Variants in FAM193A observed in about 807,000 individuals in gnomAD.
FAM193A encodes family with sequence similarity 193 member A.
Under a neutral mutation model 126.5 loss-of-function variants are expected in FAM193A, and 22 were observed. The observed-to-expected ratio is 0.17, with a 90% CI of 0.12 to 0.25. FAM193A has a LOEUF of 0.25. Ranked by LOEUF, FAM193A falls within the 10% of genes least tolerant of loss-of-function variation. The pLI is 1.00. For missense variants in FAM193A, 1,675 were observed against 1,672.8 expected (o/e 1.00, Z -0.02); for synonymous variants, 761 against 646.8 (o/e 1.18, Z -2.68).
chr4:2,701,077 C>T (rs9683585), intron 19 of FAM193A, among the ~76,000 whole-genome samples: 1 of 151,708 alleles, frequency 6.6e-6, no homozygotes. Context: ...CCCTCTCTCT[C>T]TTATTTTTCT....
At chr4:2,597,702 T>C (rs1740946054) in intron 2 of FAM193A, among the ~76,000 whole-genome samples, 1 of 152,212 alleles carries the variant, frequency 6.6e-6, no homozygotes, top group African/African-American at 2.4e-5. Context: ...GACCAGCTGT[T>C]GCTTTGTAGG....
chr4:2,604,363 CCTT>C (rs749554137), intron 2 of FAM193A, among the ~76,000 whole-genome samples: 12 of 152,092 alleles, frequency 7.9e-5, no homozygotes, highest in Non-Finnish European at 1.5e-4. Flanking sequence ...GTTCTTAAAT[CCTT>C]CTGTGTTTCC....
chr4:2,716,462 G>A (rs535465905), intron 20 of FAM193A, among the ~76,000 whole-genome samples: 1 of 152,172 alleles, frequency 6.6e-6, no homozygotes, highest in South Asian at 2.1e-4. Flanking sequence ...ACTTAGACCT[G>A]TCGGATCAGA....
intron 7 of FAM193A, chr4:2,655,007 G>C: frequency 1.6e-6 from 1 of 637,876 alleles, no homozygotes; most frequent in Non-Finnish European, 2.9e-6. Context: ...AATAATGATA[G>C]GTTTATCTCA....
chr4:2,657,132 C>T (rs977959661), intron 7 of FAM193A, among the ~76,000 whole-genome samples: 2 of 152,194 alleles, frequency 1.3e-5, no homozygotes, highest in African/African-American at 4.8e-5. Context: ...TGTGCCACTG[C>T]ACTCCAGCTT....
rs1553912476 is a variant in FAM193A at position 2,699,446 on chromosome 4, C to CA, written c.3508-234_3508-233insA. Among the ~76,000 whole-genome samples, 745 of 103,508 alleles carry CA rather than the reference C, an allele frequency of 7.2e-3. 61 individuals carry two copies. Among genetic ancestry groups the CA allele is most frequent in the South Asian group, 0.021 (53 of 2,532 alleles). 67.9% of individuals were successfully genotyped at this position (103,508 alleles called of 152,430 possible). A position where few individuals can be genotyped will look rare whatever the true frequency, so the allele number is the denominator to read the frequency against. On this transcript the variant is annotated intron_variant, in intron 18 of 20. Coordinates refer to ENST00000637812, the MANE Select transcript of FAM193A (RefSeq NM_001366318.2). Reference sequence around the variant, plus strand: ...TTTTTGTTAACTACCACCCCCCCCCCCACACACACACACACAAATAAGTAA... The same window carrying CA: ...TTTTTGTTAACTACCACCCCCCCCCCACACACACACACACACAAATAAGTAA...
chr4:2,537,238 G>C, intron 1 of FAM193A, 68 bp downstream of exon 1: 2 of 182,330 alleles, frequency 1.1e-5, no homozygotes, highest in Non-Finnish European at 2.3e-5. Flanking sequence ...CCTTGGCGGA[G>C]CTCGGCCTCC....
intron 14 of FAM193A, among the ~76,000 whole-genome samples, chr4:2,689,925 G>T (rs1484995804): frequency 6.6e-6 from 1 of 152,174 alleles, no homozygotes; most frequent in Non-Finnish European, 1.5e-5. Context: ...CAAGACTCTG[G>T]CTCCATGGCT....
At chr4:2,630,893 G>GGT in intron 4 of FAM193A, 42 bp from the exon 5 acceptor site, 1 of 1,164,422 alleles carries the variant, frequency 8.6e-7, no homozygotes, top group Non-Finnish European at 1.3e-6. Flanking sequence ...AGCACCCATG[G>GGT]GCCCTGGTGG....
rs191385740 is a variant in FAM193A at position 2,560,348 on chromosome 4, C to T, written c.255+23178C>T. ...CCATGGGAAGCATTTCTTCACCGTC[C>T]GAGGCCAGGCTGTACCTTCCCTTCT... On this transcript the variant is annotated intron_variant, in intron 1 of 20. Coordinates refer to ENST00000637812, the MANE Select transcript of FAM193A (RefSeq NM_001366318.2). 3.9e-4 allele frequency among the ~76,000 whole-genome samples: 60 copies of T among 152,268 alleles called. No individual in the cohort carries two copies. The East Asian group carries it at 6.0e-3, about 15-fold the overall frequency.
chr4:2,568,955 TTTG>T (rs1045198728), intron 1 of FAM193A, among the ~76,000 whole-genome samples: 8 of 151,024 alleles, frequency 5.3e-5, no homozygotes, highest in Middle Eastern at 3.4e-3. Flanking sequence ...TCAGATTTCT[TTTG>T]TTGTTGTTGT....
In FAM193A at chr4:2,625,274, C is replaced by T. The variant is rs1322592712; in HGVS notation, c.514C>T (p.Leu172Phe). Residue 172 changes from leucine (L) to phenylalanine (F), a missense_variant, in exon 3 of 21, where the codon CTT (leucine) becomes TTT (phenylalanine). Physicochemically the swap from Leu to Phe is conservative, Grantham distance 22. This residue lies in a region of FAM193A where 1,186 missense variants were observed against 1,109.2 expected (regional missense o/e 1.07). Transcript: ENST00000637812. ...CTTTTTAAAACAGAGCCAAGATTTT[C>T]TTCTTCACTCCTCGCTTGGTGGCTC... ...GLDQPVSQDF[L>F]LHSSLGGSQP... 1.4e-6 allele frequency: 1 copy of T among 702,058 alleles called. No individual in the cohort carries two copies. The highest frequency in any genetic ancestry group is 2.6e-6 in the Non-Finnish European group (1 of 384,524). The allele number at this position is 702,058 out of a possible 1,614,324, so 43.5% of individuals were successfully genotyped here. A position where few individuals can be genotyped will look rare whatever the true frequency, so the allele number is the denominator to read the frequency against.
At chr4:2,668,539 T>C (rs1001360022) in intron 12 of FAM193A, among the ~76,000 whole-genome samples, 31 of 152,132 alleles carry the variant, frequency 2.0e-4, no homozygotes, top group African/African-American at 7.0e-4. Flanking sequence ...TATCACAATC[T>C]ACTCCAGATT....
intron 1 of FAM193A, among the ~76,000 whole-genome samples, chr4:2,593,771 A>G (rs769524424): frequency 1.2e-4 from 19 of 152,188 alleles, no homozygotes; most frequent in Non-Finnish European, 2.1e-4. Flanking sequence ...GCAAGCCAGA[A>G]AGGTCTGATG....
chr4:2,654,860 T>G (rs1425356709), intron 7 of FAM193A: 2 of 429,782 alleles, frequency 4.7e-6, no homozygotes, highest in Non-Finnish European at 8.3e-6. Context: ...AATGTGTGTT[T>G]AAAGCATTCA....
intron 4 of FAM193A, among the ~76,000 whole-genome samples, chr4:2,629,943 T>C (rs988788474): frequency 2.0e-5 from 3 of 152,050 alleles, no homozygotes; most frequent in African/African-American, 4.8e-5. Context: ...CCATCCTGGC[T>C]AACATGGTGA....
chr4:2,715,904 G>GA (rs1719485029), intron 19 of FAM193A, 119 bp from the exon 20 acceptor site: 2 of 728,790 alleles, frequency 2.7e-6, no homozygotes, highest in Non-Finnish European at 4.9e-6. Flanking sequence ...TCTCATTTTA[G>GA]AAAAAATGTT....
At chr4:2,570,921 T>G (rs1217265612) in intron 1 of FAM193A, among the ~76,000 whole-genome samples, 2 of 152,212 alleles carry the variant, frequency 1.3e-5, no homozygotes, top group Admixed American at 6.5e-5. Flanking sequence ...CAGGGCCTAT[T>G]TCTCTTCTGC....
At chr4:2,647,682 C>T (rs916849233) in intron 7 of FAM193A, among the ~76,000 whole-genome samples, 2 of 152,324 alleles carry the variant, frequency 1.3e-5, no homozygotes, top group Admixed American at 6.5e-5. Flanking sequence ...GCCCCCTCCC[C>T]CCGCTTCCCA....
Sources: allele counts gnomAD v4.1 joint callset (sites outside exome capture counted in the v4.1 genomes callset), GRCh38; gene constraint gnomAD v4.1.1; regional missense constraint gnomAD v4.1.1; transcripts MANE v1.5; gene names NCBI Gene and HGNC (gene_info 2026-07-23, HGNC 2026-07-21).